Variants in USP43 observed in about 807,000 individuals in gnomAD.
The protein encoded by USP43 is ubiquitin specific peptidase 43.
In USP43, 33 loss-of-function variants were observed where a neutral mutation model predicts 90.7. That is an observed-to-expected ratio of 0.36 (90% CI 0.28 to 0.49). USP43 has a LOEUF of 0.49. Ranked by LOEUF, USP43 falls within the 20% of genes least tolerant of loss-of-function variation. The pLI is 0.98. For synonymous variants in USP43, 598 were observed against 615.8 expected (o/e 0.97, Z 0.43); for missense variants, 1,274 against 1,476.4 (o/e 0.86, Z 2.25).
At chr17:9,650,684 G>A (rs1273091294) in intron 1 of USP43, among the ~76,000 whole-genome samples, 1 of 152,030 alleles carries the variant, frequency 6.6e-6, no homozygotes, top group Non-Finnish European at 1.5e-5. Context: ...GAGCCACCAC[G>A]CCCGGCCAAC....
intron 1 of USP43, among the ~76,000 whole-genome samples, chr17:9,648,152 T>C (rs1479998372): frequency 6.6e-6 from 1 of 152,238 alleles, no homozygotes; most frequent in Non-Finnish European, 1.5e-5. Context: ...CCTCAGGGAA[T>C]TGAAGGATAA....
At chr17:9,682,358 AG>A (rs1914342971) in intron 6 of USP43, among the ~76,000 whole-genome samples, 1 of 152,200 alleles carries the variant, frequency 6.6e-6, no homozygotes, top group African/African-American at 2.4e-5. Context: ...ACTTGAGGTC[AG>A]GAGTTCAAGA....
chr17:9,729,001 C>T lies in USP43; in HGVS notation c.*11C>T. The T allele has an allele frequency of 6.5e-7, 1 of 1,531,602 alleles. No homozygotes were observed. Among genetic ancestry groups the T allele is most frequent in the South Asian group, 1.3e-5 (1 of 78,892 alleles). The allele number at this position is 1,531,602 out of a possible 1,614,324, so 94.9% of individuals were successfully genotyped here. A position where few individuals can be genotyped will look rare whatever the true frequency, so the allele number is the denominator to read the frequency against. ...GAGTCCAGCTTTTGATGGAGCGTGT[C>T]AGTATTGTGTGACGCTGGCATTCTT... On this transcript the variant is annotated 3_prime_UTR_variant, in exon 15 of 15. Transcript: ENST00000285199.
At position 9,666,747 on chromosome 17, in the gene USP43, T is replaced by C. The variant is rs770892791; in HGVS notation, c.736T>C (p.Tyr246His). 6.2e-7 allele frequency: 1 copy of C among 1,610,536 alleles called. No individual in the cohort carries two copies. Among genetic ancestry groups the C allele is most frequent in the Non-Finnish European group, 8.5e-7 (1 of 1,178,072 alleles). Residue 246 changes from tyrosine to histidine, a missense_variant, in exon 3 of 15, where the codon TAT becomes CAT. This residue lies in a region of USP43 where 259 missense variants were observed against 373.7 expected (regional missense o/e 0.69). Transcript: ENST00000285199. ...TGTGCAAAGCCACTTTCAAGCACAA[T>C]ATAGGTAAGATGGGGATGTGTTTAG... Reference protein sequence around the residue: ...SFVQSHFQAQYRSSLTCPHCL... With the variant: ...SFVQSHFQAQHRSSLTCPHCL...
intron 12 of USP43, among the ~76,000 whole-genome samples, chr17:9,704,736 C>CA (rs1915779486): frequency 6.6e-6 from 1 of 152,050 alleles, no homozygotes; most frequent in Non-Finnish European, 1.5e-5. Context: ...TGGTGGGTGG[C>CA]CCTCTTCCTA....
At chr17:9,676,368 TTC>T (rs1913778088) in intron 4 of USP43, among the ~76,000 whole-genome samples, 2 of 151,568 alleles carry the variant, frequency 1.3e-5, no homozygotes, top group Non-Finnish European at 3.0e-5. Flanking sequence ...TCCATTATCT[TTC>T]TTTCTTTCTT....
At chr17:9,715,639 TTG>T (rs1228844163) in intron 14 of USP43, among the ~76,000 whole-genome samples, 3 of 149,008 alleles carry the variant, frequency 2.0e-5, no homozygotes, top group South Asian at 2.2e-4. Flanking sequence ...TGTGTGTTTC[TTG>T]TGTGTGTGTC....
chr17:9,724,929 C>T (rs922034514), intron 14 of USP43, among the ~76,000 whole-genome samples: 11 of 131,548 alleles, frequency 8.4e-5, no homozygotes, highest in Admixed American at 1.5e-4. Context: ...TGTTCTGTGG[C>T]GGGGGGCAGG....
At chr17:9,653,173 T>C (rs78857826) in intron 1 of USP43, among the ~76,000 whole-genome samples, 1,938 of 152,338 alleles carry the variant, frequency 0.013, 38 homozygotes, top group African/African-American at 0.044. Context: ...CTTGAAGTTG[T>C]CACCTCCTTT....
intron 14 of USP43, among the ~76,000 whole-genome samples, chr17:9,717,859 C>T (rs959667237): frequency 4.0e-5 from 6 of 149,512 alleles, no homozygotes; most frequent in East Asian, 2.0e-4. Flanking sequence ...TGCAATGGGG[C>T]GATCTCAGCT....
chr17:9,713,378 C>A (rs184038437), intron 14 of USP43, among the ~76,000 whole-genome samples: 1 of 152,094 alleles, frequency 6.6e-6, no homozygotes, highest in South Asian at 2.1e-4. Context: ...GATGAGCCAC[C>A]GCACCTGGCC....
chr17:9,656,549 A>T lies in USP43; in HGVS notation c.636+15A>T. On this transcript the variant is annotated intron_variant, in intron 2 of 14. Transcript: ENST00000285199. ...TGTCGGAGAAGGTCGGTCACTCTCA[A>T]AACAACACAATGTACTGGGTTTTCT... 1 of 1,606,914 alleles carries T rather than the reference A, an allele frequency of 6.2e-7. No homozygotes were observed. The highest frequency in any genetic ancestry group is 1.1e-5 in the South Asian group (1 of 89,336).
intron 14 of USP43, among the ~76,000 whole-genome samples, chr17:9,715,095 C>T (rs180791140): frequency 7.0e-4 from 106 of 152,286 alleles, no homozygotes; most frequent in South Asian, 1.2e-3. Context: ...ATAGTAGAGA[C>T]GCATTCAGAT....
At chr17:9,663,513 G>C (rs9898209) in intron 2 of USP43, among the ~76,000 whole-genome samples, 13,651 of 152,142 alleles carry the variant, frequency 0.09, 628 homozygotes, top group South Asian at 0.13. Context: ...GGCCGGGCTG[G>C]TCTTGAACTC....
At chr17:9,724,989 C>T (rs1383018230) in intron 14 of USP43, among the ~76,000 whole-genome samples, 1 of 152,084 alleles carries the variant, frequency 6.6e-6, no homozygotes, top group Non-Finnish European at 1.5e-5. Flanking sequence ...TCACAAAACA[C>T]CTGAGTATGG....
At chr17:9,715,551 T>C (rs1229618377) in intron 14 of USP43, among the ~76,000 whole-genome samples, 1 of 147,118 alleles carries the variant, frequency 6.8e-6, no homozygotes, top group Non-Finnish European at 1.5e-5. Context: ...TGTCTGTGTC[T>C]TTGTGTGTGT....
intron 1 of USP43, among the ~76,000 whole-genome samples, chr17:9,650,646 A>G (rs994040817): frequency 6.6e-6 from 1 of 151,972 alleles, no homozygotes; most frequent in Non-Finnish European, 1.5e-5. Flanking sequence ...CAAGTGATCC[A>G]CCTGCCTCGG....
chr17:9,654,808 C>T (rs1054449473), intron 1 of USP43, among the ~76,000 whole-genome samples: 4 of 151,726 alleles, frequency 2.6e-5, no homozygotes, highest in African/African-American at 9.7e-5. Context: ...TGCAATCTCT[C>T]CTCACTGCAA....
intron 12 of USP43, among the ~76,000 whole-genome samples, chr17:9,706,835 G>A (rs890238448): frequency 6.6e-6 from 1 of 151,780 alleles, no homozygotes; most frequent in African/African-American, 2.4e-5. Context: ...AGTAGAGACG[G>A]GGTTTCACTG....
Sources: allele counts gnomAD v4.1 joint callset (sites outside exome capture counted in the v4.1 genomes callset), GRCh38; gene constraint gnomAD v4.1.1; regional missense constraint gnomAD v4.1.1; transcripts MANE v1.5; gene names NCBI Gene and HGNC (gene_info 2026-07-23, HGNC 2026-07-21).